Variants in ADAMTS9 observed in about 807,000 individuals in gnomAD.
ADAMTS9 encodes A disintegrin and metalloproteinase with thrombospondin motifs 9.
Under a neutral mutation model 257.1 loss-of-function variants are expected in ADAMTS9, and 107 were observed. The observed-to-expected ratio is 0.42, with a 90% CI of 0.36 to 0.49. The LOEUF (loss-of-function observed/expected upper bound fraction) is 0.49, where lower values mean the gene tolerates loss of function less well. ADAMTS9 is among the 20% of genes least tolerant of loss of function. The pLI is 0.03. For missense variants in ADAMTS9, 2,353 were observed against 2,469.1 expected (o/e 0.95, Z 1.00); for synonymous variants, 982 against 880.9 (o/e 1.11, Z -2.03).
chr3:64,621,355 G>A, intron 18 of ADAMTS9, 115 bp from the exon 19 acceptor site: 1 of 1,228,666 alleles, frequency 8.1e-7, no homozygotes. Context: ...TATCTTCAGA[G>A]CGTATGATCT....
intron 3 of ADAMTS9, among the ~76,000 whole-genome samples, chr3:64,661,785 A>G (rs1413616998): frequency 1.3e-5 from 2 of 152,120 alleles, no homozygotes; most frequent in East Asian, 3.9e-4. Flanking sequence ...AAGAAAGTAT[A>G]TCACTTATAC....
rs1701021708 is a variant in ADAMTS9 at position 64,654,802 on chromosome 3, C to T, written c.1170-190G>A. On this transcript the variant is annotated intron_variant, in intron 6 of 39. Coordinates refer to ENST00000498707, the MANE Select transcript of ADAMTS9 (RefSeq NM_182920.2). ...GAATTGTTGATTTAAGAATTATAAA[C>T]TACTACATTAAGAAGTTTTCTTCTG... is the stretch of plus-strand genomic sequence containing the variant. The T allele has an allele frequency of 3.3e-5, 20 of 602,986 alleles. 2 individuals are homozygous for T. The South Asian group carries it at 4.3e-4, about 13-fold the overall frequency. The allele number at this position is 602,986 out of a possible 1,614,324, so 37.4% of individuals were successfully genotyped here.
intron 18 of ADAMTS9, among the ~76,000 whole-genome samples, chr3:64,621,596 T>C (rs533522844): frequency 6.6e-6 from 1 of 151,964 alleles, no homozygotes; most frequent in South Asian, 2.1e-4. Flanking sequence ...ACCCGTTCTC[T>C]ACCAAAAACA....
intron 28 of ADAMTS9, among the ~76,000 whole-genome samples, chr3:64,579,720 CAAG>C (rs1269834538): frequency 2.0e-5 from 3 of 152,154 alleles, no homozygotes; most frequent in African/African-American, 7.2e-5. Flanking sequence ...ACTTATCTCA[CAAG>C]AATAAAGATT....
intron 28 of ADAMTS9, among the ~76,000 whole-genome samples, chr3:64,576,667 G>A (rs2083857175): frequency 6.6e-6 from 1 of 152,198 alleles, no homozygotes; most frequent in African/African-American, 2.4e-5. Context: ...GGAACACCAA[G>A]GAAGAAAGCG....
chr3:64,613,296 G>A (rs1247983635), intron 22 of ADAMTS9, 49 bp downstream of exon 22: 3 of 1,590,244 alleles, frequency 1.9e-6, no homozygotes, highest in South Asian at 2.3e-5. Context: ...GTCCTCTCCA[G>A]ATAAGAAGGA....
chr3:64,566,380 AT>A (rs1432636487), intron 29 of ADAMTS9, among the ~76,000 whole-genome samples: 1 of 152,212 alleles, frequency 6.6e-6, no homozygotes. Context: ...TCAGGACATT[AT>A]AAGGCTGGCC....
intron 31 of ADAMTS9, among the ~76,000 whole-genome samples, chr3:64,547,290 C>A (rs1015361021): frequency 1.3e-5 from 2 of 152,090 alleles, no homozygotes; most frequent in African/African-American, 4.8e-5. Flanking sequence ...CCCAACTGCA[C>A]AGGTTGGCAA....
intron 19 of ADAMTS9, among the ~76,000 whole-genome samples, 195 bp from the exon 20 acceptor site, chr3:64,616,365 G>T (rs9830287): frequency 6.6e-6 from 1 of 152,130 alleles, no homozygotes; most frequent in Non-Finnish European, 1.5e-5. Flanking sequence ...GGCTGCCAAT[G>T]TACATAGAAG....
chr3:64,643,554 C>T (rs9814263), intron 11 of ADAMTS9, among the ~76,000 whole-genome samples: 1 of 148,844 alleles, frequency 6.7e-6, no homozygotes, highest in African/African-American at 2.5e-5. Flanking sequence ...CCAGGCTCAA[C>T]TGATCCTCCC....
chr3:64,533,504 G>A (rs1371073631), intron 37 of ADAMTS9, among the ~76,000 whole-genome samples: 2 of 152,212 alleles, frequency 1.3e-5, no homozygotes, highest in Non-Finnish European at 2.9e-5. Flanking sequence ...TTTACAGATA[G>A]GGAAACTGAG....
chr3:64,638,155 T>C (rs934223910), intron 12 of ADAMTS9, among the ~76,000 whole-genome samples: 3 of 152,320 alleles, frequency 2.0e-5, no homozygotes, highest in African/African-American at 7.2e-5. Flanking sequence ...TTTTAACCTA[T>C]CTCCTAATTT....
At chr3:64,668,756 C>T (rs1701410659) in intron 3 of ADAMTS9, among the ~76,000 whole-genome samples, 1 of 152,172 alleles carries the variant, frequency 6.6e-6, no homozygotes, top group African/African-American at 2.4e-5. Context: ...TGGGATCTGC[C>T]TGCTATCTGA....
intron 38 of ADAMTS9, among the ~76,000 whole-genome samples, chr3:64,529,688 GT>G (rs2082952488): frequency 6.6e-6 from 1 of 152,198 alleles, no homozygotes; most frequent in Admixed American, 6.5e-5. Flanking sequence ...TCGAAAAGAA[GT>G]TTTTGTGCTT....
chr3:64,686,014 A>G lies in ADAMTS9; in HGVS notation c.516+554T>C, dbSNP rs1189153906. Among the ~76,000 whole-genome samples the G allele has an allele frequency of 6.6e-6, 1 of 152,146 alleles. No individual in the cohort carries two copies. On this transcript the variant is annotated intron_variant, in intron 2 of 39. Transcript: ENST00000498707. This position sits in a 1 kb window ranked among gnomAD's most constrained non-coding sequence, Gnocchi z 4.6. ...CTGGGACGGGACCTGCTCCCTGTCA[A>G]TCCAGTTCAGCCTCAGGGTTCCTGG...
intron 28 of ADAMTS9, among the ~76,000 whole-genome samples, chr3:64,578,289 TAAA>T (rs59527905): frequency 2.1e-5 from 3 of 142,462 alleles, no homozygotes. Context: ...TTCCTTTGGT[TAAA>T]AAAAAAAAAA....
intron 3 of ADAMTS9, among the ~76,000 whole-genome samples, chr3:64,675,478 G>T (rs1701603269): frequency 6.6e-6 from 1 of 152,126 alleles, no homozygotes; most frequent in Non-Finnish European, 1.5e-5. Flanking sequence ...AATTAGCCAT[G>T]TGTGGTGGCA....
At chr3:64,570,693 CTCA>C (rs1399384561) in intron 28 of ADAMTS9, among the ~76,000 whole-genome samples, 3,143 of 59,166 alleles carry the variant, frequency 0.053, 128 homozygotes, top group African/African-American at 0.26. Flanking sequence ...AAGACTCCGT[CTCA>C]AAAAAAAAAA....
chr3:64,549,725 C>T (rs1015237346), intron 31 of ADAMTS9, among the ~76,000 whole-genome samples: 1 of 152,164 alleles, frequency 6.6e-6, no homozygotes, highest in Non-Finnish European at 1.5e-5. Flanking sequence ...TCCCTGGCCT[C>T]CACCTTCCAA....
Sources: gnomAD v4.1 joint callset for allele counts (sites outside exome capture counted in the v4.1 genomes callset) on GRCh38, gnomAD v4.1.1 for gene constraint, Gnocchi (gnomAD v3.1) non-coding constraint, MANE v1.5 for transcripts, NCBI Gene and HGNC (gene_info 2026-07-23, HGNC 2026-07-21) for gene names.